The following NRG4 variants were observed in gnomAD, a reference collection of about 807,000 sequenced individuals.
The protein encoded by NRG4 is pro-neuregulin-4, membrane-bound isoform.
A neutral mutation model predicts 15.0 loss-of-function variants in NRG4; 10 were observed. That is an observed-to-expected ratio of 0.67 (90% CI 0.41 to 1.13). The LOEUF (loss-of-function observed/expected upper bound fraction) is 1.13. NRG4 is among the 50% of genes most tolerant of loss of function. NRG4 has a pLI of 0.00. For missense variants in NRG4, 139 were observed against 140.2 expected (o/e 0.99, Z 0.04); for synonymous variants, 41 against 50.1 (o/e 0.82, Z 0.77).
chr15:75,966,155 T>C (rs2032784476), intron 3 of NRG4, among the ~76,000 whole-genome samples: 1 of 152,226 alleles, frequency 6.6e-6, no homozygotes, highest in South Asian at 2.1e-4. Context: ...GTTTAGTACA[T>C]TGACATGAAA....
At chr15:76,031,057 T>C (rs2035459167) in intron 5 of NRG4, among the ~76,000 whole-genome samples, 1 of 152,182 alleles carries the variant, frequency 6.6e-6, no homozygotes, top group Non-Finnish European at 1.5e-5. Flanking sequence ...ATCAGCATGG[T>C]TGGTCTAATA....
intron 4 of NRG4, among the ~76,000 whole-genome samples, chr15:75,958,695 G>T (rs1026340363): frequency 2.0e-5 from 3 of 151,480 alleles, no homozygotes; most frequent in African/African-American, 7.3e-5. Context: ...ACCACTTCTT[G>T]TTCTTATATA....
chr15:76,010,837 T>C (rs2034784083), intron 2 of NRG4, among the ~76,000 whole-genome samples: 1 of 152,152 alleles, frequency 6.6e-6, no homozygotes, highest in African/African-American at 2.4e-5. Context: ...TTAATTGGAT[T>C]ATAGTCAGAC....
At chr15:76,000,596 C>A (rs189579474) in intron 3 of NRG4, among the ~76,000 whole-genome samples, 203 of 152,274 alleles carry the variant, frequency 1.3e-3, no homozygotes, top group Middle Eastern at 3.4e-3. Context: ...CTATGGATAG[C>A]AATTTGGCAA....
In NRG4 at chr15:75,943,513, TACG is replaced by T; in HGVS notation, c.*122_*124del. 1.5e-6 allele frequency: 1 copy of T among 664,876 alleles called. No homozygotes were observed. The highest frequency in any genetic ancestry group is 2.7e-6 in the Non-Finnish European group (1 of 375,694). 41.2% of individuals were successfully genotyped at this position (664,876 alleles called of 1,614,324 possible). A position where few individuals can be genotyped will look rare whatever the true frequency, so the allele number is the denominator to read the frequency against. On this transcript the variant is annotated 3_prime_UTR_variant, in exon 6 of 6. Coordinates refer to ENST00000394907, the MANE Select transcript of NRG4 (RefSeq NM_138573.4). ...CAGCAGAATGGATTATGGTTCATGATACGAGTTACACAAGCGTTTTATTTAAGA... is the reference window on the plus strand; with the variant it reads ...CAGCAGAATGGATTATGGTTCATGATAGTTACACAAGCGTTTTATTTAAGA...
chr15:75,980,905 T>C (rs1050757289), intron 3 of NRG4, among the ~76,000 whole-genome samples: 16 of 150,330 alleles, frequency 1.1e-4, no homozygotes, highest in African/African-American at 3.4e-4. Context: ...CCAAAGTAAA[T>C]AGAAAGAAGG....
intron 5 of NRG4, among the ~76,000 whole-genome samples, chr15:75,944,874 T>C (rs1294984192): frequency 1.3e-5 from 2 of 152,168 alleles, no homozygotes; most frequent in Non-Finnish European, 2.9e-5. Context: ...CTGAGCCTAA[T>C]ACCTTACCCC....
chr15:76,013,704 G>A (rs1043148597), upstream of NRG4, among the ~76,000 whole-genome samples: 1 of 152,106 alleles, frequency 6.6e-6, no homozygotes, highest in African/African-American at 2.4e-5. Context: ...AGTATTCCAC[G>A]GTATATATGT....
rs183016575 is a variant in NRG4, at chr15:75,955,772, T to C, written c.331+160A>G. Among the ~76,000 whole-genome samples, 192 of 143,796 alleles carry C rather than the reference T, an allele frequency of 1.3e-3. No individual in the cohort carries two copies. Among genetic ancestry groups the C allele is most frequent in the Non-Finnish European group, 2.5e-3 (167 of 66,756 alleles). 94.3% of individuals were successfully genotyped at this position (143,796 alleles called of 152,430 possible). ...CATACTGATAATAAATTCATTTTTATGTGAAAAAGGGTACCTGGCCAAAAA... is the reference window on the plus strand; with the variant it reads ...CATACTGATAATAAATTCATTTTTACGTGAAAAAGGGTACCTGGCCAAAAA... On this transcript the variant is annotated intron_variant, in intron 5 of 5. Coordinates refer to ENST00000394907, the MANE Select transcript of NRG4 (RefSeq NM_138573.4).
At chr15:76,046,464 A>G (rs1175033418) in intron 4 of NRG4, among the ~76,000 whole-genome samples, 3 of 151,282 alleles carry the variant, frequency 2.0e-5, no homozygotes, top group Non-Finnish European at 4.4e-5. Context: ...CTACAAAGCT[A>G]TGGTAACCAA....
chr15:76,054,508 C>T (rs1297695102), intron 2 of NRG4, among the ~76,000 whole-genome samples: 4 of 152,006 alleles, frequency 2.6e-5, no homozygotes, highest in African/African-American at 7.3e-5. Context: ...TCCGCCTCCC[C>T]GGTTCAAGCG....
At position 75,953,648 on chromosome 15, in the gene NRG4, G is replaced by T. The variant is rs1199308937; in HGVS notation, c.331+2284C>A. On this transcript the variant is annotated intron_variant, in intron 5 of 5. Transcript: ENST00000394907. ...TAGCTTTGTTATCTGTCTGTAATGT[G>T]TCTTTTTCTAGCTGCCTTTAAGACT... Among the ~76,000 whole-genome samples, 3 of 152,266 alleles carry T rather than the reference G, an allele frequency of 2.0e-5. No homozygotes were observed. The East Asian group carries it at 5.8e-4, about 29-fold the overall frequency.
rs182040086 is a variant in NRG4, at chr15:75,973,016, T to C, written c.105-11042A>G. Among the ~76,000 whole-genome samples the C allele has an allele frequency of 6.9e-4, 105 of 152,344 alleles. 1 individual carries two copies. The highest frequency in any genetic ancestry group is 2.2e-3 in the Admixed American group (33 of 15,306). The stretch of plus-strand genomic sequence containing the variant: ...TCCTATCCATGAGCATGGAATGTTC[T>C]TCCATTTGTTTGTGTCCTCTCTTAT... On this transcript the variant is annotated intron_variant, in intron 3 of 5. Coordinates refer to ENST00000394907, the MANE Select transcript of NRG4 (RefSeq NM_138573.4).
chr15:75,994,989 G>A (rs2034157247), intron 3 of NRG4, among the ~76,000 whole-genome samples: 2 of 152,036 alleles, frequency 1.3e-5, no homozygotes, highest in Admixed American at 1.3e-4. Context: ...GGAAGTTCAA[G>A]TCCAGTCTGG....
intron 3 of NRG4, among the ~76,000 whole-genome samples, chr15:75,984,019 A>C (rs757920059): frequency 6.6e-6 from 1 of 152,240 alleles, no homozygotes; most frequent in Admixed American, 6.5e-5. Flanking sequence ...AAAAATGATA[A>C]AAGTTCCTGA....
At chr15:75,990,337 C>T (rs1340857407) in intron 3 of NRG4, among the ~76,000 whole-genome samples, 1 of 152,124 alleles carries the variant, frequency 6.6e-6, no homozygotes, top group Non-Finnish European at 1.5e-5. Flanking sequence ...TCAGCAAGAC[C>T]AGAGTACTCC....
intron 5 of NRG4, among the ~76,000 whole-genome samples, chr15:76,017,662 C>T (rs2035025555): frequency 6.6e-6 from 1 of 152,200 alleles, no homozygotes; most frequent in Non-Finnish European, 1.5e-5. Flanking sequence ...TTGGCCCCCA[C>T]TCTCTTCTGG....
intron 4 of NRG4, among the ~76,000 whole-genome samples, chr15:76,044,652 G>A (rs571949445): frequency 6.7e-6 from 1 of 148,912 alleles, no homozygotes; most frequent in African/African-American, 2.5e-5. Context: ...TGGCTAACAC[G>A]GTGAAACCCC....
Position 76,050,973 on chromosome 15 carries a change from TTTTA to T in NRG4, c.-105+1090_-105+1093del, listed in dbSNP as rs376329611. On this transcript the variant is annotated intron_variant, in intron 4 of 8. Coordinates refer to the NRG4 transcript ENST00000563910. ...GGTGTGTGCCACCATGCCTGCCTAT[TTTTA>T]TTTATTTATTTATTTATTTATTTAT... is the stretch of plus-strand genomic sequence containing the variant. Among the ~76,000 whole-genome samples, 384 of 147,686 alleles carry T rather than the reference TTTTA, an allele frequency of 2.6e-3. 8 individuals are homozygous for T. The highest frequency in any genetic ancestry group is 4.5e-3 in the Non-Finnish European group (306 of 67,394).
Sources: allele counts gnomAD v4.1 joint callset (sites outside exome capture counted in the v4.1 genomes callset), GRCh38; gene constraint gnomAD v4.1.1; transcripts MANE v1.5; gene names NCBI Gene and HGNC (gene_info 2026-07-23, HGNC 2026-07-21).